KIAA1328: variants seen among roughly 807,000 people sequenced by gnomAD.
KIAA1328 encodes the protein protein hinderin.
A neutral mutation model predicts 68.1 loss-of-function variants in KIAA1328; 52 were observed. The ratio of observed to expected loss-of-function variants is 0.76; its 90% CI spans 0.61 to 0.96. The LOEUF (loss-of-function observed/expected upper bound fraction) is 0.96. Ranked by LOEUF, KIAA1328 falls within the 40% of genes least tolerant of loss-of-function variation. The pLI, the probability that KIAA1328 is intolerant of heterozygous loss-of-function variation, is 0.00. For synonymous variants in KIAA1328, 232 were observed against 239.4 expected (o/e 0.97, Z 0.28); for missense variants, 641 against 677.6 (o/e 0.95, Z 0.60).
chr18:36,912,804 T>G (rs1031834795), intron 5 of KIAA1328, among the ~76,000 whole-genome samples: 1 of 152,212 alleles, frequency 6.6e-6, no homozygotes, highest in South Asian at 2.1e-4. Flanking sequence ...CTGAGAATGA[T>G]CTTTCCTAAG....
chr18:37,173,067 G>T lies in KIAA1328; in HGVS notation c.1509G>T (p.Gln503His). The change falls in exon 9 of 10, where the codon CAG becomes CAT. Residue 503 changes from glutamine to histidine, a missense_variant. By Grantham distance (24) the Gln-to-His change is conservative (BLOSUM62 0). Coordinates refer to ENST00000280020, the MANE Select transcript of KIAA1328 (RefSeq NM_020776.3). ...TCACCACAGCCTCACCATCATTACA[G>T]CACACCACCTCCCGGTAAGCTTCAG... Reference protein sequence around the residue: ...DFVTTASPSLQHTTSRYETSL... With the variant: ...DFVTTASPSLHHTTSRYETSL... 1 of 1,610,522 alleles carries T rather than the reference G, an allele frequency of 6.2e-7. No homozygotes were observed. Among genetic ancestry groups the T allele is most frequent in the South Asian group, 1.1e-5 (1 of 90,742 alleles).
At chr18:37,010,989 A>G (rs903875711) in intron 6 of KIAA1328, among the ~76,000 whole-genome samples, 7 of 152,154 alleles carry the variant, frequency 4.6e-5, no homozygotes, top group Non-Finnish European at 7.4e-5. Flanking sequence ...TACCATATTC[A>G]CTTAAATTAT....
rs558179011 is a variant in KIAA1328, at chr18:37,225,334, A to G, written c.*3107A>G. Reference sequence around the variant, plus strand: ...AATCATCTCTATGGCTATTTTCCCCATGTGGGTTTGATATTGAATTGTCCC... The same window carrying G: ...AATCATCTCTATGGCTATTTTCCCCGTGTGGGTTTGATATTGAATTGTCCC... On this transcript the variant is annotated 3_prime_UTR_variant, in exon 10 of 10. Transcript: ENST00000280020. 23 of 984,668 alleles carry G rather than the reference A, an allele frequency of 2.3e-5. No individual in the cohort carries two copies. The highest frequency in any genetic ancestry group is 6.1e-5 in the Admixed American group (1 of 16,286). 61.0% of individuals were successfully genotyped at this position (984,668 alleles called of 1,614,324 possible).
intron 7 of KIAA1328, among the ~76,000 whole-genome samples, chr18:37,102,502 CAG>C (rs2057652452): frequency 6.6e-6 from 1 of 152,060 alleles, no homozygotes; most frequent in African/African-American, 2.4e-5. Flanking sequence ...TCTCAATAGA[CAG>C]AGAAAAAAAC....
At chr18:36,907,477 G>A (rs2049267149) in intron 5 of KIAA1328, among the ~76,000 whole-genome samples, 1 of 152,080 alleles carries the variant, frequency 6.6e-6, no homozygotes. Context: ...TATTCCTAGT[G>A]TGCTGATACT....
At position 36,974,191 on chromosome 18, in the gene KIAA1328, G is replaced by A. The variant is rs1001380402; in HGVS notation, c.576+14756G>A. 3.9e-5 allele frequency among the ~76,000 whole-genome samples: 6 copies of A among 152,038 alleles called. 1 individual carries two copies. Among genetic ancestry groups the A allele is most frequent in the African/African-American group, 1.4e-4 (6 of 41,398 alleles). ...CTTTTTTGATTTGTATAAATTTTAG[G>A]GGTATGAGTATAGTTTCGTTACATG... On this transcript the variant is annotated intron_variant, in intron 6 of 9. Coordinates refer to ENST00000280020, the MANE Select transcript of KIAA1328 (RefSeq NM_020776.3).
chr18:37,104,208 C>T (rs1162397013), intron 7 of KIAA1328, among the ~76,000 whole-genome samples: 3 of 152,260 alleles, frequency 2.0e-5, no homozygotes, highest in East Asian at 3.9e-4. Flanking sequence ...CAAAGAGATA[C>T]GTACACCCCC....
intron 6 of KIAA1328, among the ~76,000 whole-genome samples, chr18:37,051,975 G>A (rs1211531020): frequency 6.6e-6 from 1 of 151,822 alleles, no homozygotes; most frequent in African/African-American, 2.4e-5. Flanking sequence ...CTAGGAGGTG[G>A]AGGTTGCAGT....
At chr18:37,052,437 A>C (rs1157527710) in intron 6 of KIAA1328, among the ~76,000 whole-genome samples, 1 of 152,152 alleles carries the variant, frequency 6.6e-6, no homozygotes, top group Non-Finnish European at 1.5e-5. Context: ...GGAACAAGAC[A>C]AGTATGTTCA....
intron 7 of KIAA1328, among the ~76,000 whole-genome samples, chr18:37,107,867 T>TA (rs58171345): frequency 0.18 from 26,267 of 143,508 alleles, 6,090 homozygotes; most frequent in African/African-American, 0.54. Flanking sequence ...ATTAAAAGGT[T>TA]AAAAAAAAAA....
intron 7 of KIAA1328, among the ~76,000 whole-genome samples, chr18:37,131,109 A>G (rs1412919065): frequency 6.6e-6 from 1 of 152,204 alleles, no homozygotes; most frequent in Non-Finnish European, 1.5e-5. Flanking sequence ...GGTGATTCCG[A>G]TAATGTTTGG....
At chr18:36,933,016 G>A (rs1242550054) in intron 5 of KIAA1328, among the ~76,000 whole-genome samples, 2 of 152,120 alleles carry the variant, frequency 1.3e-5, no homozygotes. Context: ...ATTGCTCTGA[G>A]AAGAGACTTT....
intron 6 of KIAA1328, among the ~76,000 whole-genome samples, chr18:37,048,134 G>A (rs929462738): frequency 6.6e-6 from 1 of 152,128 alleles, no homozygotes; most frequent in Admixed American, 6.5e-5. Context: ...TGGTACTAGA[G>A]CAGCACTCAA....
intron 7 of KIAA1328, among the ~76,000 whole-genome samples, chr18:37,129,002 G>A (rs951984046): frequency 6.6e-6 from 1 of 152,192 alleles, no homozygotes; most frequent in South Asian, 2.1e-4. Flanking sequence ...AGGAGCTGGG[G>A]ATGGAGTAAG....
At chr18:36,990,042 T>C (rs2053112536) in intron 6 of KIAA1328, among the ~76,000 whole-genome samples, 1 of 152,144 alleles carries the variant, frequency 6.6e-6, no homozygotes, top group Non-Finnish European at 1.5e-5. Context: ...TTAAACTAAA[T>C]ACATCCTGGT....
intron 7 of KIAA1328, among the ~76,000 whole-genome samples, chr18:37,132,607 C>T (rs889747561): frequency 2.6e-5 from 4 of 152,130 alleles, no homozygotes; most frequent in African/African-American, 9.7e-5. Context: ...TATGCATTCC[C>T]TTAAGGTAAA....
intron 6 of KIAA1328, among the ~76,000 whole-genome samples, chr18:36,997,648 C>G (rs1172334599): frequency 6.6e-6 from 1 of 152,106 alleles, no homozygotes; most frequent in East Asian, 1.9e-4. Flanking sequence ...ACATGCTGTC[C>G]TAGGGTCCAG....
intron 9 of KIAA1328, among the ~76,000 whole-genome samples, chr18:37,201,964 T>C (rs2060122773): frequency 6.6e-6 from 1 of 152,196 alleles, no homozygotes; most frequent in Non-Finnish European, 1.5e-5. Flanking sequence ...TTTAAAAATA[T>C]GATATTCGTC....
chr18:36,980,260 A>G (rs984309483), intron 6 of KIAA1328, among the ~76,000 whole-genome samples: 3 of 152,196 alleles, frequency 2.0e-5, no homozygotes, highest in Non-Finnish European at 4.4e-5. Context: ...CTCATGGCCA[A>G]TGAGTCCCTC....
Sources: allele counts gnomAD v4.1 joint callset (sites outside exome capture counted in the v4.1 genomes callset), GRCh38; gene constraint gnomAD v4.1.1; transcripts MANE v1.5; gene names NCBI Gene and HGNC (gene_info 2026-07-23, HGNC 2026-07-21).